Variants in RHOT1 observed in about 807,000 individuals in gnomAD.
RHOT1 encodes mitochondrial Rho GTPase 1.
Under a neutral mutation model 95.3 loss-of-function variants are expected in RHOT1, and 27 were observed. That is an observed-to-expected ratio of 0.28 (90% CI 0.21 to 0.39). The LOEUF is 0.39. Ranked by LOEUF, RHOT1 falls within the 10% of genes least tolerant of loss-of-function variation. The pLI is 1.00. For missense variants in RHOT1, 578 were observed against 786.7 expected (o/e 0.73, Z 3.17); for synonymous variants, 227 against 263.5 (o/e 0.86, Z 1.34).
intron 8 of RHOT1, 66 bp from the exon 9 acceptor site, chr17:32,192,135 T>C (rs1459582662): frequency 4.5e-5 from 37 of 815,462 alleles, no homozygotes. Flanking sequence ...ATAATCAGAA[T>C]TATTCTCAGC....
intron 19 of RHOT1, among the ~76,000 whole-genome samples, chr17:32,223,120 G>A (rs2038931319): frequency 6.6e-6 from 1 of 152,070 alleles, no homozygotes; most frequent in African/African-American, 2.4e-5. Context: ...GAGAATTGGA[G>A]TGTTGTGTCT....
At chr17:32,189,687 A>C (rs186466530) in intron 8 of RHOT1, among the ~76,000 whole-genome samples, 1 of 151,744 alleles carries the variant, frequency 6.6e-6, no homozygotes, top group East Asian at 1.9e-4. Context: ...TAAATTGCCT[A>C]TAACGGAATC....
At chr17:32,166,967 C>T (rs1271724369) in intron 1 of RHOT1, among the ~76,000 whole-genome samples, 1 of 152,112 alleles carries the variant, frequency 6.6e-6, no homozygotes, top group Non-Finnish European at 1.5e-5. Context: ...GTTTACTTTG[C>T]CCACATCCAT....
At chr17:32,172,545 A>C (rs1022482018) in intron 2 of RHOT1, among the ~76,000 whole-genome samples, 1 of 152,248 alleles carries the variant, frequency 6.6e-6, no homozygotes, top group African/African-American at 2.4e-5. Context: ...ATTAAACATA[A>C]GGCTTGGCTG....
At chr17:32,180,904 T>G (rs566019814) in intron 6 of RHOT1, among the ~76,000 whole-genome samples, 11 of 152,318 alleles carry the variant, frequency 7.2e-5, no homozygotes, top group Admixed American at 1.3e-4. Context: ...AGGATAGTTT[T>G]GAGCTCCTGG....
chr17:32,152,994 G>T (rs74826481), intron 1 of RHOT1, among the ~76,000 whole-genome samples: 149 of 152,162 alleles, frequency 9.8e-4, no homozygotes, highest in African/African-American at 3.5e-3. Context: ...TAGAGATAGA[G>T]TTTCACCATG....
intron 1 of RHOT1, among the ~76,000 whole-genome samples, chr17:32,170,130 G>A (rs974803158): frequency 1.3e-5 from 2 of 151,832 alleles, no homozygotes; most frequent in Non-Finnish European, 2.9e-5. Flanking sequence ...AATAATGCAG[G>A]ATGGCTGGGC....
chr17:32,216,454 T>C (rs1045153740), intron 19 of RHOT1, among the ~76,000 whole-genome samples: 5 of 152,176 alleles, frequency 3.3e-5, no homozygotes, highest in Non-Finnish European at 7.4e-5. Context: ...TCATGTTACT[T>C]CTTAAGTTCA....
chr17:32,145,883 G>A (rs897702309), intron 1 of RHOT1, among the ~76,000 whole-genome samples: 7 of 152,132 alleles, frequency 4.6e-5, no homozygotes, highest in Non-Finnish European at 8.8e-5. Context: ...GGGTGAAGTG[G>A]CGTGCACCTG....
rs1214216890 is a variant in RHOT1 at position 32,194,103 on chromosome 17, C to T, written c.865C>T (p.Pro289Ser). The change falls in exon 11 of 20, where the codon CCC becomes TCC. Residue 289 changes from proline to serine, a missense_variant. Transcript: ENST00000545287. ...DLDLTPEYLF[P>S]LLKIPPDCTT... ...GGATTTGACACCTGAATATTTGTTC[C>T]CCCTGTATGTACCTTTGTTTTTTTT... 6.2e-7 allele frequency: 1 copy of T among 1,613,280 alleles called. No individual in the cohort carries two copies.
intron 19 of RHOT1, among the ~76,000 whole-genome samples, chr17:32,216,300 C>G (rs1462478267): frequency 6.6e-6 from 1 of 152,048 alleles, no homozygotes; most frequent in Non-Finnish European, 1.5e-5. Flanking sequence ...TGTGTATAAT[C>G]TCACCACTTC....
Position 32,192,318 on chromosome 17 carries a change from A to C in RHOT1, c.639+19A>C. 1 of 1,228,032 alleles carries C rather than the reference A, an allele frequency of 8.1e-7. No individual in the cohort carries two copies. Among genetic ancestry groups the C allele is most frequent in the Non-Finnish European group, 1.2e-6 (1 of 857,906 alleles). The allele number at this position is 1,228,032 out of a possible 1,614,324, so 76.1% of individuals were successfully genotyped here. On this transcript the variant is annotated intron_variant, in intron 9 of 19. Coordinates refer to ENST00000545287, the MANE Select transcript of RHOT1 (RefSeq NM_001033566.3). ...CTTTCAGGTAATGGTCCTTTATTTC[A>C]GACATTTGCGTATCTTTTTTTTTTT... is the stretch of plus-strand genomic sequence containing the variant.
chr17:32,171,851 G>C (rs2034603273), intron 2 of RHOT1, among the ~76,000 whole-genome samples: 1 of 152,176 alleles, frequency 6.6e-6, no homozygotes, highest in Non-Finnish European at 1.5e-5. Context: ...TACCTCAAAG[G>C]ATTGTTATGG....
chr17:32,175,419 A>G (rs762306684), intron 4 of RHOT1, 57 bp downstream of exon 4: 227 of 1,428,970 alleles, frequency 1.6e-4, no homozygotes, highest in Non-Finnish European at 2.2e-4. Flanking sequence ...TGATGATTTT[A>G]TGAGCCTGCC....
At chr17:32,187,812 G>A (rs1297276160) in intron 8 of RHOT1, among the ~76,000 whole-genome samples, 2 of 152,186 alleles carry the variant, frequency 1.3e-5, no homozygotes, top group South Asian at 4.1e-4. Flanking sequence ...TAGGTGATCT[G>A]CCTGCCTTGG....
At chr17:32,150,190 T>A (rs545624315) in intron 1 of RHOT1, among the ~76,000 whole-genome samples, 2 of 152,314 alleles carry the variant, frequency 1.3e-5, no homozygotes, top group South Asian at 4.1e-4. Flanking sequence ...ACTGAAGGAT[T>A]TTTTGACTAA....
chr17:32,196,771 C>A (rs1355746732), intron 11 of RHOT1, among the ~76,000 whole-genome samples: 1 of 152,180 alleles, frequency 6.6e-6, no homozygotes, highest in Non-Finnish European at 1.5e-5. Flanking sequence ...TGTTCCTTTT[C>A]ATGTGGCTCC....
chr17:32,177,114 A>T (rs1598358660), intron 6 of RHOT1, among the ~76,000 whole-genome samples: 1 of 152,264 alleles, frequency 6.6e-6, no homozygotes, highest in Admixed American at 6.5e-5. Flanking sequence ...CTCTTTTATC[A>T]TGGTTTTAAC....
At position 32,208,293 on chromosome 17, in the gene RHOT1, A is replaced by T; in HGVS notation, c.1723A>T (p.Thr575Ser). 2 of 1,614,034 alleles carry T rather than the reference A, an allele frequency of 1.2e-6. No individual in the cohort carries two copies. Among genetic ancestry groups the T allele is most frequent in the South Asian group, 2.2e-5 (2 of 91,078 alleles). Residue 575 changes from threonine (T) to serine (S), a missense_variant, in exon 18 of 20, where the codon ACA becomes TCA. Physicochemically the swap from Thr to Ser is moderately conservative, Grantham distance 58 (BLOSUM62 1). Coordinates refer to ENST00000545287, the MANE Select transcript of RHOT1 (RefSeq NM_001033566.3). ...PSKDIFVKLTTMAMYPHARLR... is the reference protein window; with the variant it reads ...PSKDIFVKLTSMAMYPHARLR... ...TAAGGATATCTTTGTTAAATTGACA[A>T]CAATGGCCATGTATCCGTAAGTACT...
Sources: allele counts gnomAD v4.1 joint callset (sites outside exome capture counted in the v4.1 genomes callset), GRCh38; gene constraint gnomAD v4.1.1; transcripts MANE v1.5; gene names NCBI Gene and HGNC (gene_info 2026-07-23, HGNC 2026-07-21).